The following CD109 variants were observed in gnomAD, a reference collection of about 807,000 sequenced individuals.
CD109 encodes CD109 molecule.
A neutral mutation model predicts 165.8 loss-of-function variants in CD109; 149 were observed. The ratio of observed to expected loss-of-function variants is 0.90; its 90% CI spans 0.79 to 1.03. The LOEUF is 1.03. Ranked by LOEUF, CD109 falls within the 50% of genes least tolerant of loss-of-function variation. CD109 has a pLI of 0.00. For synonymous variants in CD109, 585 were observed against 592.1 expected, an observed-to-expected ratio of 0.99 and a Z score of 0.18; for missense variants, 1,712 against 1,677.8, an observed-to-expected ratio of 1.02 and a Z score of -0.36.
rs912215986 is a variant in CD109 at position 73,697,319 on chromosome 6, C to G, written c.75-81C>G. On this transcript the variant is annotated intron_variant, in intron 1 of 32. Transcript: ENST00000287097. The stretch of plus-strand genomic sequence containing the variant: ...TTGGCGCAGTATGGAGTGCCTATCG[C>G]ACTAGGAAATCTGAGGGTCACAAAA... The G allele has an allele frequency of 7.5e-6, 10 of 1,329,472 alleles. No individual in the cohort carries two copies. The Admixed American group carries it at 1.9e-4, about 26-fold the overall frequency. 82.4% of individuals were successfully genotyped at this position (1,329,472 alleles called of 1,614,324 possible).
At chr6:73,775,399 G>T (rs76931596) in intron 15 of CD109, among the ~76,000 whole-genome samples, 4,254 of 152,090 alleles carry the variant, frequency 0.028, 201 homozygotes, top group African/African-American at 0.095. Flanking sequence ...TCATGTTGTA[G>T]ATTATATAAC....
intron 23 of CD109, among the ~76,000 whole-genome samples, 190 bp downstream of exon 23, chr6:73,792,992 A>G (rs1775031166): frequency 6.6e-6 from 1 of 152,036 alleles, no homozygotes; most frequent in Admixed American, 6.5e-5. Context: ...CTAACTATTC[A>G]CTCACTGCTG....
intron 3 of CD109, among the ~76,000 whole-genome samples, chr6:73,729,666 A>G (rs1188689838): frequency 6.6e-6 from 1 of 151,948 alleles, no homozygotes; most frequent in Non-Finnish European, 1.5e-5. Context: ...GGCGCATGCC[A>G]CCACACCTGG....
At chr6:73,802,114 C>T (rs1363009988) in intron 23 of CD109, among the ~76,000 whole-genome samples, 1 of 151,836 alleles carries the variant, frequency 6.6e-6, no homozygotes, top group Non-Finnish European at 1.5e-5. Context: ...TATGAAACAT[C>T]TGCTTTTTAT....
intron 23 of CD109, 53 bp from the exon 24 acceptor site, chr6:73,803,167 C>T: frequency 8.2e-7 from 1 of 1,222,896 alleles, no homozygotes; most frequent in East Asian, 2.4e-5. Context: ...TAGAAACTTT[C>T]ATCCATTGCA....
chr6:73,787,103 T>C, intron 20 of CD109, 131 bp from the exon 21 acceptor site: 1 of 621,742 alleles, frequency 1.6e-6, no homozygotes, highest in East Asian at 2.8e-5. Context: ...CTCTCCTTGG[T>C]CGAATCTTTG....
At chr6:73,769,155 G>A (rs1773952020) in intron 14 of CD109, among the ~76,000 whole-genome samples, 1 of 152,144 alleles carries the variant, frequency 6.6e-6, no homozygotes, top group African/African-American at 2.4e-5. Context: ...CTCTCAAGGT[G>A]CCGGGATTAC....
At chr6:73,689,989 A>C in the CD109 span, among the ~76,000 whole-genome samples, 1 of 152,030 alleles carries the variant, frequency 6.6e-6, no homozygotes, top group African/African-American at 2.4e-5. Context: ...CAACACAACT[A>C]ATTATTTTTC....
In CD109 at chr6:73,808,135, G is replaced by C. The variant is rs1775635989; in HGVS notation, c.3242G>C (p.Arg1081Thr). The change falls in exon 26 of 33, where the codon AGA becomes ACA. Residue 1081 changes from arginine (R) to threonine (T), a missense_variant. By Grantham distance (71) the Arg-to-Thr change is moderately conservative. Coordinates refer to ENST00000287097, the MANE Select transcript of CD109 (RefSeq NM_133493.5). ...CATTTTTTGGAGTCTGAATTCAGTA[G>C]AGGAATTTCAGACAATTATACTCTA... Reference protein sequence around the residue: ...SIHFLESEFSRGISDNYTLAL... With the variant: ...SIHFLESEFSTGISDNYTLAL... 2 of 1,613,222 alleles carry C rather than the reference G, an allele frequency of 1.2e-6. No homozygotes were observed. The highest frequency in any genetic ancestry group is 8.5e-7 in the Non-Finnish European group (1 of 1,179,536).
At chr6:73,736,261 C>G in intron 4 of CD109, 122 bp from the exon 5 acceptor site, 1 of 953,946 alleles carries the variant, frequency 1.0e-6, no homozygotes, top group Non-Finnish European at 1.6e-6. Flanking sequence ...ATATTTGTGC[C>G]GTATTTTGGA....
chr6:73,692,392 T>A (rs569923972), upstream of CD109, among the ~76,000 whole-genome samples: 65 of 152,238 alleles, frequency 4.3e-4, no homozygotes, highest in African/African-American at 1.5e-3. Context: ...TAAAATAATA[T>A]TATTATTGTT....
At chr6:73,713,305 G>T (rs924082842) in intron 2 of CD109, among the ~76,000 whole-genome samples, 7 of 152,188 alleles carry the variant, frequency 4.6e-5, no homozygotes, top group African/African-American at 1.7e-4. Flanking sequence ...CCTTAGATTG[G>T]ATGTGTCCAC....
intron 23 of CD109, among the ~76,000 whole-genome samples, chr6:73,802,187 C>T (rs760010984): frequency 2.7e-5 from 4 of 149,736 alleles, no homozygotes; most frequent in Non-Finnish European, 4.4e-5. Context: ...AATGCAGATA[C>T]GTGAGCCTTA....
chr6:73,774,919 T>C (rs1774182167), intron 15 of CD109, among the ~76,000 whole-genome samples: 1 of 151,900 alleles, frequency 6.6e-6, no homozygotes, highest in Non-Finnish European at 1.5e-5. Context: ...GAGGATCCTG[T>C]CATAGTAGAC....
rs370766671 is a variant in CD109 at position 73,823,658 on chromosome 6, A to G, written c.*25A>G. The G allele has an allele frequency of 6.4e-7, 1 of 1,570,986 alleles. No individual in the cohort carries two copies. The highest frequency in any genetic ancestry group is 1.4e-5 in the African/African-American group (1 of 73,708). The stretch of plus-strand genomic sequence containing the variant: ...ATTTATTTTTAAAGGACTCTGTGTA[A>G]CACTAACATTTCCAGTAGTCACATG... On this transcript the variant is annotated 3_prime_UTR_variant, in exon 33 of 33. Transcript: ENST00000287097.
At chr6:73,788,366 C>T in intron 21 of CD109, 102 bp from the exon 22 acceptor site, 5 of 962,968 alleles carry the variant, frequency 5.2e-6, no homozygotes, top group Non-Finnish European at 7.5e-6. Context: ...CACACACAAA[C>T]CTCAGACACA....
At chr6:73,704,439 G>C (rs911804623) in intron 2 of CD109, among the ~76,000 whole-genome samples, 1 of 152,160 alleles carries the variant, frequency 6.6e-6, no homozygotes, top group Non-Finnish European at 1.5e-5. Flanking sequence ...ATTTTCAGCC[G>C]CAGAGAAACA....
At chr6:73,798,260 G>T (rs574468234) in intron 23 of CD109, among the ~76,000 whole-genome samples, 1 of 152,110 alleles carries the variant, frequency 6.6e-6, no homozygotes, top group East Asian at 1.9e-4. Context: ...GACTACAGGT[G>T]TGTGCCACCA....
intron 8 of CD109, 48 bp from the exon 9 acceptor site, chr6:73,762,692 AT>A: frequency 6.8e-7 from 1 of 1,475,282 alleles, no homozygotes; most frequent in Middle Eastern, 2.2e-4. Flanking sequence ...TATTTCTAAA[AT>A]TTGAATTGCT....
Sources: allele counts gnomAD v4.1 joint callset (sites outside exome capture counted in the v4.1 genomes callset), GRCh38; gene constraint gnomAD v4.1.1; transcripts MANE v1.5; gene names NCBI Gene and HGNC (gene_info 2026-07-23, HGNC 2026-07-21).